Variants in SOD2 observed in about 807,000 individuals in gnomAD.
SOD2 encodes superoxide dismutase [Mn], mitochondrial.
In SOD2, 11 loss-of-function variants were observed where a neutral mutation model predicts 27.0. That is an observed-to-expected ratio of 0.41 (90% CI 0.26 to 0.67). SOD2 has a LOEUF of 0.67. SOD2 is among the 30% of genes least tolerant of loss of function. The pLI is 0.34. For missense variants in SOD2, 250 were observed against 274.5 expected, an observed-to-expected ratio of 0.91 and a Z score of 0.63; for synonymous variants, 105 against 103.0, an observed-to-expected ratio of 1.02 and a Z score of -0.12.
intron 1 of SOD2, among the ~76,000 whole-genome samples, chr6:159,700,844 T>C (rs574263459): frequency 6.6e-6 from 1 of 152,178 alleles, no homozygotes; most frequent in Non-Finnish European, 1.5e-5. Context: ...TGTTAAACTC[T>C]GACTTTTTAC....
chr6:159,755,880 TTA>T lies in SOD2; in HGVS notation c.-336+5155_-336+5156del, dbSNP rs1049402020. ...CATTTTGTGTAGGGTCAAGTTATTTTTATATGAGTTAATGTGAAATTGTAAAT... is the reference window on the plus strand; with the variant it reads ...CATTTTGTGTAGGGTCAAGTTATTTTTATGAGTTAATGTGAAATTGTAAAT... On this transcript the variant is annotated intron_variant, in intron 1 of 7. Coordinates refer to the SOD2 transcript ENST00000546087. 9 of 410,074 alleles carry T rather than the reference TTA, an allele frequency of 2.2e-5. No individual in the cohort carries two copies. In the Admixed American group the frequency reaches 3.1e-4, roughly 14 times the overall value. 25.4% of individuals were successfully genotyped at this position (410,074 alleles called of 1,614,324 possible). A position where few individuals can be genotyped will look rare whatever the true frequency, so the allele number is the denominator to read the frequency against.
At chr6:159,740,077 T>C (rs1391486672) in intron 1 of SOD2, among the ~76,000 whole-genome samples, 1 of 152,100 alleles carries the variant, frequency 6.6e-6, no homozygotes, top group Non-Finnish European at 1.5e-5. Context: ...ATGCCTGGCC[T>C]GAAGTGATTC....
chr6:159,735,742 G>A (rs1778872791), intron 1 of SOD2, among the ~76,000 whole-genome samples: 1 of 151,264 alleles, frequency 6.6e-6, no homozygotes, highest in Non-Finnish European at 1.5e-5. Flanking sequence ...GAGTGAGACT[G>A]TGTCTCAAAA....
intron 1 of SOD2, among the ~76,000 whole-genome samples, chr6:159,717,278 A>C (rs1777937962): frequency 1.3e-5 from 2 of 152,072 alleles, no homozygotes; most frequent in Admixed American, 6.5e-5. Flanking sequence ...TTATTTTTTT[A>C]CTATAATTAT....
chr6:159,727,122 C>T (rs1202368203), intron 1 of SOD2: 4 of 1,195,680 alleles, frequency 3.3e-6, no homozygotes, highest in Non-Finnish European at 1.1e-6. Context: ...TCGGCCGCTT[C>T]CCTTACTGAG....
chr6:159,710,161 G>A lies in SOD2; in HGVS notation c.-116+16968C>T, dbSNP rs529400237. ...GATAGCATTAGGAGATATACCTAAT[G>A]TAAATGTCGAGTTAATGGGTGTAGT... On this transcript the variant is annotated intron_variant, in intron 1 of 2. Coordinates refer to the SOD2 transcript ENST00000401980. 2.0e-5 allele frequency among the ~76,000 whole-genome samples: 3 copies of A among 151,752 alleles called. No homozygotes were observed. The East Asian group carries it at 5.8e-4, about 29-fold the overall frequency.
intron 1 of SOD2, among the ~76,000 whole-genome samples, chr6:159,732,617 C>G (rs1296509660): frequency 6.6e-6 from 1 of 152,044 alleles, no homozygotes; most frequent in Non-Finnish European, 1.5e-5. Flanking sequence ...GGTGGATTAC[C>G]TGAGGTGAGG....
Position 159,674,168 on chromosome 6 carries a change from C to A in SOD2, c.*8325G>T, listed in dbSNP as rs1032903050. On this transcript the variant is annotated 3_prime_UTR_variant, in exon 5 of 5. Coordinates refer to ENST00000538183, the MANE Select transcript of SOD2 (RefSeq NM_000636.4). The stretch of plus-strand genomic sequence containing the variant: ...TCACAGCCGAATTCTACCAGAGGTA[C>A]AAGGAAGAGCTGGTACCATTCCTTC... 6.6e-6 allele frequency: 1 copy of A among 152,162 alleles called. No individual in the cohort carries two copies. Among genetic ancestry groups the A allele is most frequent in the Non-Finnish European group, 1.5e-5 (1 of 68,048 alleles). The allele number at this position is 152,162 out of a possible 1,614,324, so 9.4% of individuals were successfully genotyped here.
In SOD2 at chr6:159,677,039, C is replaced by T. The variant is rs1779794970; in HGVS notation, c.*5454G>A. ...GTTAACTTCTGAGCCTTGGGGATACCCATATTTACAATATGATAAATACAT... is the reference window on the plus strand; with the variant it reads ...GTTAACTTCTGAGCCTTGGGGATACTCATATTTACAATATGATAAATACAT... On this transcript the variant is annotated 3_prime_UTR_variant, in exon 5 of 5. Coordinates refer to ENST00000538183, the MANE Select transcript of SOD2 (RefSeq NM_000636.4). 6.6e-6 allele frequency: 1 copy of T among 152,156 alleles called. No homozygotes were observed. Among genetic ancestry groups the T allele is most frequent in the African/African-American group, 2.4e-5 (1 of 41,424 alleles). 9.4% of individuals were successfully genotyped at this position (152,156 alleles called of 1,614,324 possible). A position where few individuals can be genotyped will look rare whatever the true frequency, so the allele number is the denominator to read the frequency against.
chr6:159,692,611 G>A (rs1320426028), intron 2 of SOD2, 50 bp downstream of exon 2: 2 of 1,604,996 alleles, frequency 1.2e-6, no homozygotes, highest in Non-Finnish European at 1.7e-6. Flanking sequence ...CTGGCTCCCT[G>A]GGGTCGCCTC....
upstream of SOD2, among the ~76,000 whole-genome samples, chr6:159,730,332 C>T (rs1162005220): frequency 6.6e-6 from 1 of 152,134 alleles, no homozygotes; most frequent in Non-Finnish European, 1.5e-5. Context: ...ATGTTATGGT[C>T]ATTCTGTTTT....
chr6:159,727,232 G>C (rs1342649641), exon 1 of SOD2: 9 of 1,274,330 alleles, frequency 7.1e-6, no homozygotes, highest in Admixed American at 4.9e-5. Flanking sequence ...TCGAGGCCCC[G>C]ATCGGGCTAG....
exon 1 of SOD2, chr6:159,761,809 C>T (rs1397267139): frequency 4.2e-6 from 1 of 236,426 alleles, no homozygotes; most frequent in Non-Finnish European, 8.4e-6. Context: ...CGGTTCTGCC[C>T]GCAAGCCCAG....
chr6:159,738,352 A>AT (rs978907676), intron 1 of SOD2, among the ~76,000 whole-genome samples: 3 of 151,836 alleles, frequency 2.0e-5, no homozygotes, highest in East Asian at 3.9e-4. Context: ...TTTTGAGACT[A>AT]TTTTTTTTCC....
intron 1 of SOD2, chr6:159,712,986 C>T (rs1210585960): frequency 3.2e-6 from 2 of 627,438 alleles, no homozygotes; most frequent in East Asian, 2.7e-5. Flanking sequence ...ACTGCATCTT[C>T]GTGAGCAGCA....
chr6:159,757,995 T>A (rs1013834891), intron 1 of SOD2, among the ~76,000 whole-genome samples: 5 of 152,270 alleles, frequency 3.3e-5, no homozygotes, highest in African/African-American at 1.2e-4. Flanking sequence ...CATGTTTCTG[T>A]TGAGTCTGCC....
At position 159,671,926 on chromosome 6, in the gene SOD2, T is replaced by G. The variant is rs951221226; in HGVS notation, c.*10567A>C. On this transcript the variant is annotated 3_prime_UTR_variant, in exon 5 of 5. Coordinates refer to ENST00000538183, the MANE Select transcript of SOD2 (RefSeq NM_000636.4). ...CCTGATGGAGCTGAAAACCATGGCA[T>G]GAGAACTACGTGACGAATGCACAAG... 2 of 152,086 alleles carry G rather than the reference T, an allele frequency of 1.3e-5. No homozygotes were observed. Among genetic ancestry groups the G allele is most frequent in the Non-Finnish European group, 2.9e-5 (2 of 68,018 alleles). The allele number at this position is 152,086 out of a possible 1,614,324, so 9.4% of individuals were successfully genotyped here. A position where few individuals can be genotyped will look rare whatever the true frequency, so the allele number is the denominator to read the frequency against.
At chr6:159,730,070 A>C (rs538280563), upstream of SOD2, among the ~76,000 whole-genome samples, 71 of 152,292 alleles carry the variant, frequency 4.7e-4, no homozygotes, top group Middle Eastern at 3.4e-3. Flanking sequence ...TGTAATTTTA[A>C]AACTAGTCAA....
rs1370550623 is a variant in SOD2 at position 159,679,394 on chromosome 6, T to C, written c.*3099A>G. On this transcript the variant is annotated 3_prime_UTR_variant, in exon 5 of 5. Transcript: ENST00000538183. ...GAATTAAAACAGGAAATACAATTTA[T>C]GTTTATACGTGGTTTTAGATATGAC... 2.6e-5 allele frequency: 4 copies of C among 152,244 alleles called. No individual in the cohort carries two copies. Among genetic ancestry groups the C allele is most frequent in the Admixed American group, 2.6e-4 (4 of 15,282 alleles). The allele number at this position is 152,244 out of a possible 1,614,324, so 9.4% of individuals were successfully genotyped here. A position where few individuals can be genotyped will look rare whatever the true frequency, so the allele number is the denominator to read the frequency against.
Sources: allele counts gnomAD v4.1 joint callset (sites outside exome capture counted in the v4.1 genomes callset), GRCh38; gene constraint gnomAD v4.1.1; transcripts MANE v1.5; gene names NCBI Gene and HGNC (gene_info 2026-07-23, HGNC 2026-07-21).